The following MCHR1 variants were observed in gnomAD, a reference collection of about 807,000 sequenced individuals.
MCHR1 encodes melanin-concentrating hormone receptor 1.
Under a neutral mutation model 20.4 loss-of-function variants are expected in MCHR1, and 13 were observed. The observed-to-expected ratio is 0.64, with a 90% CI of 0.41 to 1.01. MCHR1 has a LOEUF of 1.01. MCHR1 is among the 50% of genes least tolerant of loss of function. MCHR1 has a pLI of 0.00. For missense variants in MCHR1, 472 were observed against 477.0 expected (o/e 0.99, Z 0.10); for synonymous variants, 215 against 204.4 (o/e 1.05, Z -0.44).
rs769183554 is a variant in MCHR1, at chr22:40,681,978, C to A, written c.*50C>A. The A allele has an allele frequency of 6.3e-7, 1 of 1,597,672 alleles. No homozygotes were observed. The highest frequency in any genetic ancestry group is 1.3e-5 in the African/African-American group (1 of 75,012). On this transcript the variant is annotated 3_prime_UTR_variant, in exon 2 of 2. Coordinates refer to ENST00000249016, the MANE Select transcript of MCHR1 (RefSeq NM_005297.4). This position sits in a 1 kb window ranked among gnomAD's most constrained non-coding sequence, Gnocchi z 4.3. Reference sequence around the variant, plus strand: ...CTCCAAGTCAGGGCACCACAACACGCCACCGGGAGAGATGCTGAGAAAAAC... The same window carrying A: ...CTCCAAGTCAGGGCACCACAACACGACACCGGGAGAGATGCTGAGAAAAAC...
In MCHR1 at chr22:40,681,982, C is replaced by T. The variant is rs200628988; in HGVS notation, c.*54C>T. 100 of 1,596,592 alleles carry T rather than the reference C, an allele frequency of 6.3e-5. No homozygotes were observed. Among genetic ancestry groups the T allele is most frequent in the Admixed American group, 2.5e-4 (15 of 59,862 alleles). On this transcript the variant is annotated 3_prime_UTR_variant, in exon 2 of 2. Transcript: ENST00000249016. The surrounding 1 kb of genome is among the most constrained non-coding windows in gnomAD (Gnocchi z 4.3). ...AAGTCAGGGCACCACAACACGCCAC[C>T]GGGAGAGATGCTGAGAAAAACCCAA...
rs200435236 is a variant in MCHR1 at position 40,681,039 on chromosome 22, A to G, written c.173A>G (p.Asn58Ser). 2 of 1,613,572 alleles carry G rather than the reference A, an allele frequency of 1.2e-6. No homozygotes were observed. The highest frequency in any genetic ancestry group is 2.2e-5 in the East Asian group (1 of 44,856). The change falls in exon 2 of 2, where the codon AAC becomes AGC. Residue 58 changes from asparagine to serine, a missense_variant. Physicochemically the swap from Asn to Ser is conservative, Grantham distance 46. Transcript: ENST00000249016. This position sits in a 1 kb window ranked among gnomAD's most constrained non-coding sequence, Gnocchi z 4.3. Reference sequence around the variant, plus strand: ...ATCTGCCTCCTGGGCATCATCGGGAACTCCACGGTCATCTTCGCGGTCGTG... The same window carrying G: ...ATCTGCCTCCTGGGCATCATCGGGAGCTCCACGGTCATCTTCGCGGTCGTG... Reference protein sequence around the residue: ...GTICLLGIIGNSTVIFAVVKK... With the variant: ...GTICLLGIIGSSTVIFAVVKK...
Position 40,680,944 on chromosome 22 carries a change from C to T in MCHR1, c.83-5C>T. ...ACAGCCAACGCTTGCTCCTTCTGTC[C>T]CCAGGATCACCTCCTCGCACGGGGA... On this transcript the variant is annotated splice_polypyrimidine_tract_variant and splice_region_variant and intron_variant, in intron 1 of 1. Coordinates refer to ENST00000249016, the MANE Select transcript of MCHR1 (RefSeq NM_005297.4). 2 of 1,613,790 alleles carry T rather than the reference C, an allele frequency of 1.2e-6. No homozygotes were observed. The highest frequency in any genetic ancestry group is 2.2e-5 in the East Asian group (1 of 44,876).
In MCHR1 at chr22:40,681,256, C is replaced by T; in HGVS notation, c.390C>T (p.Ser130=). 1 of 1,614,194 alleles carries T rather than the reference C, an allele frequency of 6.2e-7. No homozygotes were observed. Among genetic ancestry groups the T allele is most frequent in the Non-Finnish European group, 8.5e-7 (1 of 1,180,034 alleles). ...TAMDANSQFT[S]TYILTAMAID... ...TGGATGCCAATAGTCAGTTCACCAG[C>T]ACCTACATCCTGACCGCCATGGCCA... Residue 130 remains serine, a synonymous_variant, in exon 2 of 2, where the codon AGC becomes AGT. Transcript: ENST00000249016. This position sits in a 1 kb window ranked among gnomAD's most constrained non-coding sequence, Gnocchi z 4.3.
chr22:40,681,938 T>C lies in MCHR1; in HGVS notation c.*10T>C. 6.2e-7 allele frequency: 1 copy of C among 1,602,464 alleles called. No homozygotes were observed. Among genetic ancestry groups the C allele is most frequent in the Non-Finnish European group, 8.5e-7 (1 of 1,179,972 alleles). On this transcript the variant is annotated 3_prime_UTR_variant, in exon 2 of 2. Transcript: ENST00000249016. The surrounding 1 kb of genome is among the most constrained non-coding windows in gnomAD (Gnocchi z 4.3). ...AAGCAAAGGCACCTGATACTTCCCC[T>C]GCCACCCTGCACACCTCCAAGTCAG...
intron 1 of MCHR1, 76 bp from the exon 2 acceptor site, chr22:40,680,873 G>T: frequency 6.3e-7 from 1 of 1,596,108 alleles, no homozygotes; most frequent in Non-Finnish European, 8.5e-7. Context: ...GCTGGAGGCT[G>T]AGCATGCCAG....
chr22:40,679,987 T>C, intron 1 of MCHR1: 2 of 574,980 alleles, frequency 3.5e-6, no homozygotes, highest in Non-Finnish European at 6.3e-6. Flanking sequence ...AGGGGAAGGC[T>C]CGCTGCTGGG....
intron 1 of MCHR1, among the ~76,000 whole-genome samples, chr22:40,679,956 G>C (rs1329510307): frequency 2.0e-5 from 3 of 152,116 alleles, no homozygotes; most frequent in Non-Finnish European, 4.4e-5. Context: ...GGCAAGGAAG[G>C]GGGGCCAGCC....
rs779031497 is a variant in MCHR1 at position 40,679,575 on chromosome 22, C to T, written c.-78C>T. The T allele has an allele frequency of 2.5e-5, 41 of 1,613,468 alleles. No individual in the cohort carries two copies. The highest frequency in any genetic ancestry group is 1.6e-4 in the Middle Eastern group (1 of 6,076). Reference sequence around the variant, plus strand: ...TTGCGCTCCGGGACAAGGTGGCAGGCGCTGGAGGCTGCCGCAGCCTGCGTG... The same window carrying T: ...TTGCGCTCCGGGACAAGGTGGCAGGTGCTGGAGGCTGCCGCAGCCTGCGTG... On this transcript the variant is annotated 5_prime_UTR_variant, in exon 1 of 2. Transcript: ENST00000249016.
At position 40,681,553 on chromosome 22, in the gene MCHR1, G is replaced by A. The variant is rs146382223; in HGVS notation, c.687G>A (p.Val229=). The A allele has an allele frequency of 2.2e-5, 35 of 1,613,128 alleles. No individual in the cohort carries two copies. Among genetic ancestry groups the A allele is most frequent in the Non-Finnish European group, 2.8e-5 (33 of 1,180,044 alleles). ...TTGTGGTCATCACAGCCGCATACGT[G>A]AGGATCCTGCAGCGCATGACGTCCT... ...LPFVVITAAY[V]RILQRMTSSV... The change falls in exon 2 of 2, where the codon GTG becomes GTA. Residue 229 remains valine, a synonymous_variant. Coordinates refer to ENST00000249016, the MANE Select transcript of MCHR1 (RefSeq NM_005297.4). This position sits in a 1 kb window ranked among gnomAD's most constrained non-coding sequence, Gnocchi z 4.3.
At chr22:40,680,928 G>A (rs752035154) in intron 1 of MCHR1, 21 bp from the exon 2 acceptor site, 67 of 1,612,998 alleles carry the variant, frequency 4.2e-5, no homozygotes, top group Non-Finnish European at 5.6e-5. Context: ...AACAGCCAAC[G>A]CTTGCTCCTT....
Position 40,682,718 on chromosome 22 carries a change from CA to C in MCHR1, c.*791del, listed in dbSNP as rs1282756409. ...TGAGTGTCCGTGTGTTCTGCATGTG[CA>C]GGGGTCATTCTAGTGCCCGGTGTGT... is the stretch of plus-strand genomic sequence containing the variant. On this transcript the variant is annotated 3_prime_UTR_variant, in exon 2 of 2. Coordinates refer to ENST00000249016, the MANE Select transcript of MCHR1 (RefSeq NM_005297.4). The C allele has an allele frequency of 2.6e-5, 4 of 152,442 alleles. No homozygotes were observed. Among genetic ancestry groups the C allele is most frequent in the African/African-American group, 9.7e-5 (4 of 41,378 alleles). The allele number at this position is 152,442 out of a possible 1,614,324, so 9.4% of individuals were successfully genotyped here.
In MCHR1 at chr22:40,679,519, CGGAG is replaced by C; in HGVS notation, c.-132_-129del. The C allele has an allele frequency of 1.2e-6, 2 of 1,613,944 alleles. No individual in the cohort carries two copies. The highest frequency in any genetic ancestry group is 1.7e-6 in the Non-Finnish European group (2 of 1,179,892). The stretch of plus-strand genomic sequence containing the variant: ...GGAGGCGGCAGCGGCTGCCAGGCTA[CGGAG>C]GAAGACCCCCTTCCCAACTGCGGGG... On this transcript the variant is annotated 5_prime_UTR_variant, in exon 1 of 2. Transcript: ENST00000249016.
Position 40,681,535 on chromosome 22 carries a change from C to A in MCHR1, c.669C>A (p.Val223=). The A allele has an allele frequency of 2.5e-6, 4 of 1,612,720 alleles. No homozygotes were observed. The highest frequency in any genetic ancestry group is 3.4e-6 in the Non-Finnish European group (4 of 1,180,040). Residue 223 remains valine, a synonymous_variant, in exon 2 of 2, where the codon GTC becomes GTA. Coordinates refer to ENST00000249016, the MANE Select transcript of MCHR1 (RefSeq NM_005297.4). The surrounding 1 kb of genome is among the most constrained non-coding windows in gnomAD (Gnocchi z 4.3). Reference sequence around the variant, plus strand: ...TGGCCTTTGCCCTGCCTTTTGTGGTCATCACAGCCGCATACGTGAGGATCC... The same window carrying A: ...TGGCCTTTGCCCTGCCTTTTGTGGTAATCACAGCCGCATACGTGAGGATCC... ...FFLAFALPFV[V]ITAAYVRILQ...
At position 40,681,750 on chromosome 22, in the gene MCHR1, C is replaced by T. The variant is rs200535551; in HGVS notation, c.884C>T (p.Ala295Val). 57 of 1,614,136 alleles carry T rather than the reference C, an allele frequency of 3.5e-5. No individual in the cohort carries two copies. Among genetic ancestry groups the T allele is most frequent in the Middle Eastern group, 1.6e-4 (1 of 6,084 alleles). The change falls in exon 2 of 2, where the codon GCG becomes GTG. Residue 295 changes from alanine (A) to valine (V), a missense_variant. By Grantham distance (64) the Ala-to-Val change is moderately conservative (BLOSUM62 0). Coordinates refer to ENST00000249016, the MANE Select transcript of MCHR1 (RefSeq NM_005297.4). This position sits in a 1 kb window ranked among gnomAD's most constrained non-coding sequence, Gnocchi z 4.3. ...PTLTFVYLYN[A>V]AISLGYANSC... ...CTCACCTTTGTCTACTTATACAATG[C>T]GGCCATCAGCTTGGGCTATGCCAAC...
Position 40,681,117 on chromosome 22 carries a change from A to G in MCHR1, c.251A>G (p.Asn84Ser), listed in dbSNP as rs201895311. 40 of 1,612,530 alleles carry G rather than the reference A, an allele frequency of 2.5e-5. No individual in the cohort carries two copies. Among genetic ancestry groups the G allele is most frequent in the South Asian group, 4.4e-5 (4 of 90,946 alleles). ...CNNVPDIFII[N>S]LSVVDLLFLL... ...AACGTCCCCGACATCTTCATCATCA[A>G]CCTCTCGGTAGTAGATCTCCTCTTT... Residue 84 changes from asparagine to serine, a missense_variant, in exon 2 of 2, where the codon AAC (asparagine) becomes AGC (serine). Transcript: ENST00000249016. This position sits in a 1 kb window ranked among gnomAD's most constrained non-coding sequence, Gnocchi z 4.3.
rs2056887434 is a variant in MCHR1 at position 40,682,677 on chromosome 22, AG to A, written c.*750del. 6.5e-6 allele frequency: 1 copy of A among 153,802 alleles called. No homozygotes were observed. Among genetic ancestry groups the A allele is most frequent in the Admixed American group, 6.4e-5 (1 of 15,530 alleles). The allele number at this position is 153,802 out of a possible 1,614,324, so 9.5% of individuals were successfully genotyped here. Reference sequence around the variant, plus strand: ...TTCTCTCCACGGGGCACATTTGCTCAGTCACTAATCCAGCTTGAGTGTCCGT... The same window carrying A: ...TTCTCTCCACGGGGCACATTTGCTCATCACTAATCCAGCTTGAGTGTCCGT... On this transcript the variant is annotated 3_prime_UTR_variant, in exon 2 of 2. Transcript: ENST00000249016.
rs1225794777 is a variant in MCHR1 at position 40,681,687 on chromosome 22, T to A, written c.821T>A (p.Val274Glu). The A allele has an allele frequency of 6.2e-7, 1 of 1,614,164 alleles. No individual in the cohort carries two copies. Among genetic ancestry groups the A allele is most frequent in the African/African-American group, 1.3e-5 (1 of 74,960 alleles). ...TTTGTGTGCTGGGCACCCTACTATG[T>A]GCTACAGCTGACCCAGTTGTCCATC... ...VFFVCWAPYY[V>E]LQLTQLSISR... Residue 274 changes from valine (V) to glutamate (E), a missense_variant, in exon 2 of 2, where the codon GTG becomes GAG. Physicochemically the swap from Val to Glu is moderately radical, Grantham distance 121. Coordinates refer to ENST00000249016, the MANE Select transcript of MCHR1 (RefSeq NM_005297.4). This position sits in a 1 kb window ranked among gnomAD's most constrained non-coding sequence, Gnocchi z 4.3.
Position 40,682,162 on chromosome 22 carries a change from T to C in MCHR1, c.*234T>C. ...CCCTTGGGGGAGCAGGATGAGACCTTTGGATAGAACAGAAGCTGAGCAAGA... is the reference window on the plus strand; with the variant it reads ...CCCTTGGGGGAGCAGGATGAGACCTCTGGATAGAACAGAAGCTGAGCAAGA... On this transcript the variant is annotated 3_prime_UTR_variant, in exon 2 of 2. Coordinates refer to ENST00000249016, the MANE Select transcript of MCHR1 (RefSeq NM_005297.4). The C allele has an allele frequency of 1.7e-6, 1 of 588,418 alleles. No homozygotes were observed. Among genetic ancestry groups the C allele is most frequent in the East Asian group, 2.9e-5 (1 of 34,342 alleles). 36.4% of individuals were successfully genotyped at this position (588,418 alleles called of 1,614,324 possible).
Sources: allele counts gnomAD v4.1 joint callset (sites outside exome capture counted in the v4.1 genomes callset), GRCh38; gene constraint gnomAD v4.1.1; non-coding constraint Gnocchi (gnomAD v3.1); transcripts MANE v1.5; gene names NCBI Gene and HGNC (gene_info 2026-07-23, HGNC 2026-07-21).